SYT4: variants seen among roughly 807,000 people sequenced by gnomAD.
SYT4 encodes the protein synaptotagmin-4.
SYT4 carries 7 observed loss-of-function variants against 32.9 expected under a neutral mutation model. The ratio of observed to expected loss-of-function variants is 0.21; its 90% CI spans 0.12 to 0.40. The LOEUF (loss-of-function observed/expected upper bound fraction) is 0.40, where lower values mean the gene tolerates loss of function less well. Ranked by LOEUF, SYT4 falls within the 10% of genes least tolerant of loss-of-function variation. The pLI, the probability that SYT4 is intolerant of heterozygous loss-of-function variation, is 1.00. For synonymous variants in SYT4, 205 were observed against 186.2 expected, an observed-to-expected ratio of 1.10 and a Z score of -0.82; for missense variants, 480 against 488.0, an observed-to-expected ratio of 0.98 and a Z score of 0.16.
Position 43,269,082 on chromosome 18 carries a change from G to T in SYT4, c.*1259C>A, listed in dbSNP as rs902475585. The T allele has an allele frequency of 2.6e-5, 4 of 152,010 alleles. No individual in the cohort carries two copies. The highest frequency in any genetic ancestry group is 2.6e-4 in the Admixed American group (4 of 15,266). 9.4% of individuals were successfully genotyped at this position (152,010 alleles called of 1,614,324 possible). A position where few individuals can be genotyped will look rare whatever the true frequency, so the allele number is the denominator to read the frequency against. The stretch of plus-strand genomic sequence containing the variant: ...ACAGGGTGCAGCTTTAATCTAACAG[G>T]TTCTGAATGAATTTCAGAACCCTGG... On this transcript the variant is annotated 3_prime_UTR_variant, in exon 4 of 4. Coordinates refer to ENST00000255224, the MANE Select transcript of SYT4 (RefSeq NM_020783.4).
In SYT4 at chr18:43,274,397, GA is replaced by G; in HGVS notation, c.35-4del. 1 of 1,575,340 alleles carries G rather than the reference GA, an allele frequency of 6.3e-7. No individual in the cohort carries two copies. On this transcript the variant is annotated splice_region_variant and splice_polypyrimidine_tract_variant and intron_variant, in intron 1 of 3. Transcript: ENST00000255224. The stretch of plus-strand genomic sequence containing the variant: ...CCCCACCACTGTGGGGATTTCATCT[GA>G]AAAATCAAATGACCAATAATATACA...
In SYT4 at chr18:43,270,449, C is replaced by T. The variant is rs1342997876; in HGVS notation, c.1170G>A (p.Gln390=). Residue 390 remains glutamine (Q), a synonymous_variant, in exon 4 of 4, where the codon CAG becomes CAA. Coordinates refer to ENST00000255224, the MANE Select transcript of SYT4 (RefSeq NM_020783.4). ...CTTCTGCTGCTGCACCCAAGACTAA[C>T]TGCCCGATTACCTCATTTCGGGACC... ...ERGSRNEVIG[Q]LVLGAAAEGT... The T allele has an allele frequency of 5.0e-6, 8 of 1,613,998 alleles. No individual in the cohort carries two copies. The Admixed American group carries it at 1.3e-4, about 27-fold the overall frequency.
chr18:43,271,949 A>C (rs1908643830), intron 2 of SYT4, 117 bp from the exon 3 acceptor site: 2 of 1,166,844 alleles, frequency 1.7e-6, no homozygotes. Flanking sequence ...TTTTTATTTT[A>C]ATATTCTAAG....
chr18:43,277,120 CA>C (rs1908819065), intron 1 of SYT4, 127 bp downstream of exon 1: 2 of 1,160,524 alleles, frequency 1.7e-6, no homozygotes, highest in Admixed American at 4.9e-5. Context: ...CTGCCATTCT[CA>C]TTTTCCTTTT....
chr18:43,270,635 T>G lies in SYT4; in HGVS notation c.984A>C (p.Lys328Asn), dbSNP rs1908600272. The G allele has an allele frequency of 2.5e-6, 4 of 1,613,720 alleles. No homozygotes were observed. Among genetic ancestry groups the G allele is most frequent in the Non-Finnish European group, 3.4e-6 (4 of 1,179,770 alleles). The change falls in exon 4 of 4, where the codon AAA becomes AAC. Residue 328 changes from lysine (K) to asparagine (N), a missense_variant. Lys to Asn is a moderately conservative substitution (Grantham distance 94). Coordinates refer to ENST00000255224, the MANE Select transcript of SYT4 (RefSeq NM_020783.4). ...DVSGLSDPYV[K>N]VNLYHAKKRI... ...TCTTTTTGGCATGGTACAGGTTCAC[T>G]TTGACATAGGGATCTGCAGTGGAAC...
intron 2 of SYT4, 121 bp from the exon 3 acceptor site, chr18:43,271,953 T>G: frequency 8.9e-7 from 1 of 1,118,402 alleles, no homozygotes; most frequent in Non-Finnish European, 1.2e-6. Flanking sequence ...TATTTTAATA[T>G]TCTAAGGAAT....
rs976380080 is a variant in SYT4, at chr18:43,268,372, A to T, written c.*1969T>A. 2.7e-5 allele frequency: 4 copies of T among 149,754 alleles called. No homozygotes were observed. Among genetic ancestry groups the T allele is most frequent in the African/African-American group, 9.8e-5 (4 of 40,690 alleles). 9.3% of individuals were successfully genotyped at this position (149,754 alleles called of 1,614,324 possible). ...AACTATTTACAAATTATCCATTTTA[A>T]TTTTAAAAATGTTTGTTGTTGGTTT... On this transcript the variant is annotated 3_prime_UTR_variant, in exon 4 of 4. Coordinates refer to ENST00000255224, the MANE Select transcript of SYT4 (RefSeq NM_020783.4).
chr18:43,270,521 G>A lies in SYT4; in HGVS notation c.1098C>T (p.Gly366=), dbSNP rs1423346844. Residue 366 remains glycine, a synonymous_variant, in exon 4 of 4, where the codon GGC becomes GGT. Transcript: ENST00000255224. Reference sequence around the variant, plus strand: ...AAAATTCAACACTTATATCTTCAAGGCCCTCACAAGGAATATCAAAGACAA... The same window carrying A: ...AAAATTCAACACTTATATCTTCAAGACCCTCACAAGGAATATCAAAGACAA... ...ELFVFDIPCE[G]LEDISVEFLV... The A allele has an allele frequency of 1.9e-6, 3 of 1,613,938 alleles. No individual in the cohort carries two copies. Among genetic ancestry groups the A allele is most frequent in the Middle Eastern group, 3.3e-4 (2 of 6,062 alleles).
chr18:43,271,730 C>T lies in SYT4; in HGVS notation c.952G>A (p.Asp318Asn), dbSNP rs767964125. 1.2e-6 allele frequency: 2 copies of T among 1,612,994 alleles called. No individual in the cohort carries two copies. Among genetic ancestry groups the T allele is most frequent in the East Asian group, 2.2e-5 (1 of 44,790 alleles). Reference sequence around the variant, plus strand: ...TTCTTACCTGAAAGTCCGGACACATCAGATTTAGGCAGATGTCGAGCTTTT... The same window carrying T: ...TTCTTACCTGAAAGTCCGGACACATTAGATTTAGGCAGATGTCGAGCTTTT... Reference protein sequence around the residue: ...VLKARHLPKSDVSGLSDPYVK... With the variant: ...VLKARHLPKSNVSGLSDPYVK... The change falls in exon 3 of 4, where the codon GAT becomes AAT. Residue 318 changes from aspartate to asparagine, a missense_variant. Physicochemically the swap from Asp to Asn is conservative, Grantham distance 23 (BLOSUM62 1). Transcript: ENST00000255224.
At chr18:43,272,221 T>C (rs1908653462) in intron 2 of SYT4, 1 of 154,942 alleles carries the variant, frequency 6.5e-6, no homozygotes, top group African/African-American at 2.4e-5. Context: ...CATGAGTATG[T>C]GTTGGGTCAA....
chr18:43,274,517 G>T, intron 1 of SYT4, 123 bp from the exon 2 acceptor site: 1 of 732,694 alleles, frequency 1.4e-6, no homozygotes, highest in Non-Finnish European at 2.1e-6. Context: ...CTTTCCAACT[G>T]TTCTGGGTAT....
chr18:43,276,516 C>A (rs916500081), intron 1 of SYT4, among the ~76,000 whole-genome samples: 1 of 152,018 alleles, frequency 6.6e-6, no homozygotes, highest in African/African-American at 2.4e-5. Context: ...GTACTGAAAC[C>A]AAAAACTTGG....
intron 1 of SYT4, among the ~76,000 whole-genome samples, chr18:43,276,573 G>C (rs2144370477): frequency 6.6e-6 from 1 of 152,304 alleles, no homozygotes; most frequent in Admixed American, 6.5e-5. Flanking sequence ...CCTAATTCAA[G>C]TTTCCAGCAG....
chr18:43,273,817 A>G lies in SYT4; in HGVS notation c.612T>C (p.His204=), dbSNP rs1429675502. Residue 204 remains histidine (H), a synonymous_variant, in exon 2 of 4, where the codon CAT becomes CAC. Coordinates refer to ENST00000255224, the MANE Select transcript of SYT4 (RefSeq NM_020783.4). ...TTCTCAGCACTCTAGTTTTCACTTT[A>G]TGCTTCTTCTCTGGGAGGATCGTCA... ...IKMTILPEKK[H]KVKTRVLRKT... is the part of the protein sequence containing the mutation. 3.1e-6 allele frequency: 5 copies of G among 1,614,046 alleles called. No homozygotes were observed. In the African/African-American group the frequency reaches 5.3e-5, roughly 17 times the overall value.
At position 43,273,623 on chromosome 18, in the gene SYT4, C is replaced by T. The variant is rs765872177; in HGVS notation, c.806G>A (p.Gly269Glu). 7 of 1,613,052 alleles carry T rather than the reference C, an allele frequency of 4.3e-6. No individual in the cohort carries two copies. Among genetic ancestry groups the T allele is most frequent in the Non-Finnish European group, 5.9e-6 (7 of 1,179,606 alleles). ...GATCTCTCTATTCATTAACATTTTT[C>T]CTTCAGATAATTCAATTCCCGAGAG... ...IPLSGIELSEGKMLMNREIIK... is the reference protein window; with the variant it reads ...IPLSGIELSEEKMLMNREIIK... The change falls in exon 2 of 4, where the codon GGA becomes GAA. Residue 269 changes from glycine (G) to glutamate (E), a missense_variant. Physicochemically the swap from Gly to Glu is moderately conservative, Grantham distance 98 (BLOSUM62 -2). Transcript: ENST00000255224.
chr18:43,277,374 G>T lies in SYT4; in HGVS notation c.-93C>A. ...CTCAAGCGCCGGCTTTCGGAGCGCTGAAAACAACAGCGCAGAGCCCAGGGC... is the reference window on the plus strand; with the variant it reads ...CTCAAGCGCCGGCTTTCGGAGCGCTTAAAACAACAGCGCAGAGCCCAGGGC... On this transcript the variant is annotated 5_prime_UTR_variant, in exon 1 of 4. Transcript: ENST00000255224. 1 of 1,502,190 alleles carries T rather than the reference G, an allele frequency of 6.7e-7. No individual in the cohort carries two copies. The highest frequency in any genetic ancestry group is 9.3e-7 in the Non-Finnish European group (1 of 1,079,974). 93.1% of individuals were successfully genotyped at this position (1,502,190 alleles called of 1,614,324 possible). A position where few individuals can be genotyped will look rare whatever the true frequency, so the allele number is the denominator to read the frequency against.
rs1196002341 is a variant in SYT4, at chr18:43,270,041, A to T, written c.*300T>A. On this transcript the variant is annotated 3_prime_UTR_variant, in exon 4 of 4. Coordinates refer to ENST00000255224, the MANE Select transcript of SYT4 (RefSeq NM_020783.4). The stretch of plus-strand genomic sequence containing the variant: ...GTTCCAATGAGATTGTCACATTTAT[A>T]ATTTGGGATTCTGGCACAGTATTCA... 6.3e-6 allele frequency: 2 copies of T among 319,834 alleles called. No individual in the cohort carries two copies. Among genetic ancestry groups the T allele is most frequent in the Non-Finnish European group, 1.2e-5 (2 of 173,726 alleles). The allele number at this position is 319,834 out of a possible 1,614,324, so 19.8% of individuals were successfully genotyped here. A position where few individuals can be genotyped will look rare whatever the true frequency, so the allele number is the denominator to read the frequency against.
At chr18:43,273,298 A>G (rs1908685785) in intron 2 of SYT4, among the ~76,000 whole-genome samples, 1 of 152,162 alleles carries the variant, frequency 6.6e-6, no homozygotes, top group Admixed American at 6.6e-5. Flanking sequence ...CAAAATATTT[A>G]TGATAGAGAT....
At position 43,277,247 on chromosome 18, in the gene SYT4, C is replaced by T; in HGVS notation, c.34+1G>A. 6.2e-7 allele frequency: 1 copy of T among 1,614,018 alleles called. No individual in the cohort carries two copies. The highest frequency in any genetic ancestry group is 8.5e-7 in the Non-Finnish European group (1 of 1,179,948). On this transcript the variant is annotated splice_donor_variant, in intron 1 of 3. Transcript: ENST00000255224. LOFTEE classifies it high-confidence loss of function. ...AGTCATAAGTTCAGTAACTTGCTTA[C>T]CAAATTCTTCCCGGCTGGTGGTGAT... is the stretch of plus-strand genomic sequence containing the variant.
Sources: gnomAD v4.1 joint callset for allele counts (sites outside exome capture counted in the v4.1 genomes callset) on GRCh38, gnomAD v4.1.1 for gene constraint, MANE v1.5 for transcripts, NCBI Gene and HGNC (gene_info 2026-07-23, HGNC 2026-07-21) for gene names.